Variants in THBS2 observed in about 807,000 individuals in gnomAD.
THBS2 encodes the protein thrombospondin 2.
Under a neutral mutation model 135.2 loss-of-function variants are expected in THBS2, and 47 were observed. The observed-to-expected ratio is 0.35, with a 90% CI of 0.28 to 0.44. The LOEUF (loss-of-function observed/expected upper bound fraction) is 0.44, where lower values mean the gene tolerates loss of function less well. Among genes scored for constraint, THBS2 ranks in the 20% least tolerant of loss-of-function variants. THBS2 has a pLI of 1.00. For synonymous variants in THBS2, 639 were observed against 633.8 expected (o/e 1.01, Z -0.12); for missense variants, 1,288 against 1,603.1 (o/e 0.80, Z 3.36).
chr6:169,245,995 A>G, intron 4 of THBS2: 2 of 432,288 alleles, frequency 4.6e-6, no homozygotes. Flanking sequence ...TAACTGTTTA[A>G]TCAATTTATT....
intron 9 of THBS2, among the ~76,000 whole-genome samples, chr6:169,236,081 A>C (rs1583413559): frequency 1.7e-5 from 1 of 58,994 alleles, no homozygotes; most frequent in African/African-American, 7.9e-5. Context: ...CACCATCCAC[A>C]CTCACTCCCA....
At chr6:169,246,810 G>C (rs1780569570) in intron 3 of THBS2, among the ~76,000 whole-genome samples, 1 of 152,146 alleles carries the variant, frequency 6.6e-6, no homozygotes, top group Non-Finnish European at 1.5e-5. Context: ...TCAACAACAA[G>C]CTATGCATCT....
In THBS2 at chr6:169,217,545, G is replaced by GT. The variant is rs1156389673; in HGVS notation, c.*276dup. 9.1e-6 allele frequency: 4 copies of GT among 438,152 alleles called. No homozygotes were observed. The highest frequency in any genetic ancestry group is 4.0e-5 in the African/African-American group (2 of 49,732). 27.1% of individuals were successfully genotyped at this position (438,152 alleles called of 1,614,324 possible). A position where few individuals can be genotyped will look rare whatever the true frequency, so the allele number is the denominator to read the frequency against. On this transcript the variant is annotated 3_prime_UTR_variant, in exon 22 of 22. Coordinates refer to ENST00000617924, the MANE Select transcript of THBS2 (RefSeq NM_003247.5). ...TTTTAAACAAACAAGAAAAAGCAAT[G>GT]TAATGGCATGCCCAATTTTCACTCC...
At chr6:169,224,786 C>T (rs1469279028) in intron 17 of THBS2, among the ~76,000 whole-genome samples, 2 of 152,192 alleles carry the variant, frequency 1.3e-5, no homozygotes, top group Admixed American at 6.5e-5. Flanking sequence ...TCCTCCTTGT[C>T]CCCTGCCTGG....
In THBS2 at chr6:169,234,774, C is replaced by G. The variant is rs1317785275; in HGVS notation, c.1611G>C (p.Val537=). The G allele has an allele frequency of 6.2e-7, 1 of 1,606,204 alleles. No individual in the cohort carries two copies. Among genetic ancestry groups the G allele is most frequent in the Non-Finnish European group, 8.5e-7 (1 of 1,175,372 alleles). ...TCTTGTTGCACATCTGACGCTCCTG[C>G]ACATCCCCCACGCAGGCCTTCCCTC... ...QYGGKACVGD[V]QERQMCNKRS... The change falls in exon 10 of 22, where the codon GTG becomes GTC. Residue 537 remains valine (V), a synonymous_variant. Coordinates refer to ENST00000617924, the MANE Select transcript of THBS2 (RefSeq NM_003247.5).
intron 15 of THBS2, among the ~76,000 whole-genome samples, chr6:169,226,810 T>C (rs1218562423): frequency 6.6e-6 from 1 of 152,178 alleles, no homozygotes; most frequent in African/African-American, 2.4e-5. Flanking sequence ...AACTAAACAA[T>C]ACCATCAGTG....
chr6:169,231,830 C>T, intron 13 of THBS2, 150 bp downstream of exon 13: 1 of 843,996 alleles, frequency 1.2e-6, no homozygotes, highest in Admixed American at 2.5e-5. Context: ...CAGGGGGATG[C>T]ATTCAACCTG....
chr6:169,248,646 G>A lies in THBS2; in HGVS notation c.380C>T (p.Thr127Ile), dbSNP rs376392032. The A allele has an allele frequency of 9.9e-6, 16 of 1,613,958 alleles. No homozygotes were observed. Among genetic ancestry groups the A allele is most frequent in the African/African-American group, 1.3e-5 (1 of 74,908 alleles). Reference protein sequence around the residue: ...SNGPADTLDLTYWIDGTRHVV... With the variant: ...SNGPADTLDLIYWIDGTRHVV... The stretch of plus-strand genomic sequence containing the variant: ...ATGCCGGGTGCCGTCAATCCAGTAG[G>A]TGAGATCCAGCGTGTCCGCGGGGCC... The change falls in exon 3 of 22, where the codon ACC becomes ATC. Residue 127 changes from threonine (T) to isoleucine (I), a missense_variant. Coordinates refer to ENST00000617924, the MANE Select transcript of THBS2 (RefSeq NM_003247.5).
chr6:169,252,144 C>T lies in THBS2; in HGVS notation c.-22-1338G>A, dbSNP rs1780777459. ...GAGCCACAGGCATGGGTTACCGGAG[C>T]AGAATGTGCCTCTGGGTCTGGGGCG... On this transcript the variant is annotated intron_variant, in intron 1 of 21. Coordinates refer to ENST00000617924, the MANE Select transcript of THBS2 (RefSeq NM_003247.5). This position sits in a 1 kb window ranked among gnomAD's most constrained non-coding sequence, Gnocchi z 4.3. 1 of 152,194 alleles carries T rather than the reference C, an allele frequency of 6.6e-6. No homozygotes were observed. Among genetic ancestry groups the T allele is most frequent in the South Asian group, 2.1e-4 (1 of 4,836 alleles). The allele number at this position is 152,194 out of a possible 1,614,324, so 9.4% of individuals were successfully genotyped here.
intron 7 of THBS2, 41 bp from the exon 8 acceptor site, chr6:169,237,836 C>T (rs921223084): frequency 6.3e-7 from 1 of 1,589,294 alleles, no homozygotes; most frequent in Non-Finnish European, 8.5e-7. Flanking sequence ...GGCCCTGCCT[C>T]ACAGACGTGC....
At position 169,217,488 on chromosome 6, in the gene THBS2, A is replaced by G. The variant is rs1372386929; in HGVS notation, c.*334T>C. On this transcript the variant is annotated 3_prime_UTR_variant, in exon 22 of 22. Transcript: ENST00000617924. ...ACTCCATATACACATAAATACAATA[A>G]GTAATTACATTTTATATGTAAACGT... 1 of 340,580 alleles carries G rather than the reference A, an allele frequency of 2.9e-6. No homozygotes were observed. The highest frequency in any genetic ancestry group is 2.1e-5 in the African/African-American group (1 of 47,438). The allele number at this position is 340,580 out of a possible 1,614,324, so 21.1% of individuals were successfully genotyped here.
Position 169,241,846 on chromosome 6 carries a change from C to A in THBS2, c.807G>T (p.Ser269=), listed in dbSNP as rs767756027. ...GGACCATGTTTCCCAGCTCCTCGCA[C>A]GAGCGTTCGCACACCTCGGGCCTCC... ...SERRPEVCER[S]CEELGNMVQE... The change falls in exon 5 of 22, where the codon TCG becomes TCT. Residue 269 remains serine, a synonymous_variant. Transcript: ENST00000617924. This position sits in a 1 kb window ranked among gnomAD's most constrained non-coding sequence, Gnocchi z 5.5. 1 of 1,612,586 alleles carries A rather than the reference C, an allele frequency of 6.2e-7. No homozygotes were observed. The highest frequency in any genetic ancestry group is 8.5e-7 in the Non-Finnish European group (1 of 1,179,964).
chr6:169,229,525 G>A lies in THBS2; in HGVS notation c.2259+47C>T, dbSNP rs767818005. ...TATAAAGTGGCCTCCTGTGGACCTC[G>A]CTGCTCCTGGAACCCAGGGCAGGTG... is the stretch of plus-strand genomic sequence containing the variant. On this transcript the variant is annotated intron_variant, in intron 14 of 21. Transcript: ENST00000617924. 2.1e-5 allele frequency: 32 copies of A among 1,534,542 alleles called. No individual in the cohort carries two copies. The Admixed American group carries it at 2.2e-4, about 10-fold the overall frequency.
In THBS2 at chr6:169,237,150, C is replaced by T. The variant is rs567558542; in HGVS notation, c.1477+20G>A. 3 of 1,589,812 alleles carry T rather than the reference C, an allele frequency of 1.9e-6. No homozygotes were observed. The highest frequency in any genetic ancestry group is 2.7e-5 in the African/African-American group (2 of 74,790). ...GCCTGCAAGCCCGCCCACCCAGGGC[C>T]CCGCCTTCACCGTACTTACTTGGGC... On this transcript the variant is annotated intron_variant, in intron 9 of 21. Transcript: ENST00000617924.
intron 9 of THBS2, 31 bp downstream of exon 9, chr6:169,237,139 C>T: frequency 6.3e-7 from 1 of 1,576,874 alleles, no homozygotes; most frequent in Non-Finnish European, 8.6e-7. Context: ...GCAAGCCCGC[C>T]CACCCAGGGC....
chr6:169,246,328 A>G (rs1276528601), intron 3 of THBS2, 47 bp from the exon 4 acceptor site: 4 of 1,427,808 alleles, frequency 2.8e-6, no homozygotes, highest in Admixed American at 1.7e-5. Context: ...ATAAACATCC[A>G]ATGTTTGATG....
rs1780557892 is a variant in THBS2 at position 169,246,408 on chromosome 6, G to C, written c.610-127C>G. On this transcript the variant is annotated intron_variant, in intron 3 of 21. Transcript: ENST00000617924. ...TAGTGAGAGTATTTCCTTCTACGTA[G>C]CAGGTTTGCAATCTCTTTATAATCA... 1.3e-5 allele frequency: 10 copies of C among 752,928 alleles called. 1 individual carries two copies. In the South Asian group the frequency reaches 1.5e-4, roughly 11 times the overall value. 46.6% of individuals were successfully genotyped at this position (752,928 alleles called of 1,614,324 possible). A position where few individuals can be genotyped will look rare whatever the true frequency, so the allele number is the denominator to read the frequency against.
intron 12 of THBS2, 67 bp from the exon 13 acceptor site, chr6:169,232,265 G>A: frequency 6.4e-7 from 1 of 1,566,450 alleles, no homozygotes; most frequent in South Asian, 1.1e-5. Context: ...TCGAGGCGGG[G>A]CGTCGGGCAC....
At chr6:169,251,229 T>C (rs2115039268) in intron 1 of THBS2, among the ~76,000 whole-genome samples, 1 of 152,260 alleles carries the variant, frequency 6.6e-6, no homozygotes, top group African/African-American at 2.4e-5. Flanking sequence ...ATATCCAGCC[T>C]GACAAAAATA....
Sources: allele counts gnomAD v4.1 joint callset (sites outside exome capture counted in the v4.1 genomes callset), GRCh38; gene constraint gnomAD v4.1.1; non-coding constraint Gnocchi (gnomAD v3.1); transcripts MANE v1.5; gene names NCBI Gene and HGNC (gene_info 2026-07-23, HGNC 2026-07-21).